The following UNC5D variants were observed in gnomAD, a reference collection of about 807,000 sequenced individuals.
UNC5D encodes the protein netrin receptor UNC5D.
A neutral mutation model predicts 105.4 loss-of-function variants in UNC5D; 39 were observed. The observed-to-expected ratio is 0.37, with a 90% CI of 0.29 to 0.48. The LOEUF (loss-of-function observed/expected upper bound fraction) is 0.48, where lower values mean the gene tolerates loss of function less well. Among genes scored for constraint, UNC5D ranks in the 20% least tolerant of loss-of-function variants. The pLI, the probability that UNC5D is intolerant of heterozygous loss-of-function variation, is 0.98. For missense variants in UNC5D, 991 were observed against 1,202.4 expected (o/e 0.82, Z 2.60); for synonymous variants, 452 against 450.4 (o/e 1.00, Z -0.04).
chr8:35,563,647 T>G (rs1000261129), intron 2 of UNC5D, among the ~76,000 whole-genome samples: 14 of 152,150 alleles, frequency 9.2e-5, no homozygotes, highest in African/African-American at 2.9e-4. Context: ...GGACTTCCAG[T>G]ACTATGTTGA....
At chr8:35,364,084 T>G in intron 1 of UNC5D, among the ~76,000 whole-genome samples, 1 of 152,134 alleles carries the variant, frequency 6.6e-6, no homozygotes, top group East Asian at 1.9e-4. Context: ...GAGAACTGCT[T>G]GAACCCAGGA....
intron 1 of UNC5D, among the ~76,000 whole-genome samples, chr8:35,428,815 C>T (rs372839435): frequency 2.5e-4 from 38 of 152,144 alleles, no homozygotes; most frequent in African/African-American, 8.7e-4. Context: ...CACCAACCAA[C>T]CATCCCTCAC....
At chr8:35,567,885 T>C (rs1002610391) in intron 2 of UNC5D, among the ~76,000 whole-genome samples, 4 of 152,202 alleles carry the variant, frequency 2.6e-5, no homozygotes, top group Admixed American at 6.5e-5. Context: ...GGAGCCGGAA[T>C]TGGTTGATAA....
chr8:35,497,471 C>A (rs1045015379), intron 1 of UNC5D, among the ~76,000 whole-genome samples: 10 of 152,176 alleles, frequency 6.6e-5, no homozygotes, highest in Non-Finnish European at 1.5e-4. Flanking sequence ...GGCCCTCTAG[C>A]CAATTTGAAA....
chr8:35,641,366 C>CA (rs377021599), intron 4 of UNC5D, among the ~76,000 whole-genome samples: 1,531 of 44,208 alleles, frequency 0.035, 18 homozygotes, highest in African/African-American at 0.062. Flanking sequence ...AAAAATAAAG[C>CA]AAAAAAAAAA....
In UNC5D at chr8:35,601,325, A is replaced by T. The variant is rs528360993; in HGVS notation, c.570+5668A>T. ...TATGAACTTTAAAGTAGTTTTTTCC[A>T]ATTCTGTGAAGAAAGTCATTCCAAT... On this transcript the variant is annotated intron_variant, in intron 4 of 16. Transcript: ENST00000404895. Among the ~76,000 whole-genome samples, 53 of 152,294 alleles carry T rather than the reference A, an allele frequency of 3.5e-4. 1 individual carries two copies. Among genetic ancestry groups the T allele is most frequent in the Non-Finnish European group, 7.1e-4 (48 of 68,032 alleles).
intron 7 of UNC5D, among the ~76,000 whole-genome samples, chr8:35,704,960 CTTTTTTTT>C (rs1001514087): frequency 8.7e-6 from 1 of 115,588 alleles, no homozygotes; most frequent in African/African-American, 3.4e-5. Flanking sequence ...TGCTGAATGC[CTTTTTTTT>C]TTTTTTTTTT....
At chr8:35,743,267 T>C (rs921200247) in intron 11 of UNC5D, among the ~76,000 whole-genome samples, 1 of 152,108 alleles carries the variant, frequency 6.6e-6, no homozygotes, top group Non-Finnish European at 1.5e-5. Context: ...TCATTTTTTA[T>C]TTTTATTTAT....
intron 3 of UNC5D, among the ~76,000 whole-genome samples, chr8:35,587,100 G>A (rs1382532058): frequency 6.6e-6 from 1 of 152,158 alleles, no homozygotes; most frequent in African/African-American, 2.4e-5. Context: ...TGATTTACAG[G>A]TTAGCCAAGT....
intron 1 of UNC5D, among the ~76,000 whole-genome samples, chr8:35,240,186 G>C (rs549639186): frequency 1.3e-5 from 2 of 152,134 alleles, no homozygotes; most frequent in African/African-American, 4.8e-5. Context: ...CTGGGCTCAG[G>C]TGATCCTTCT....
At chr8:35,524,649 A>AAAAAAAG (rs1321463471) in intron 1 of UNC5D, among the ~76,000 whole-genome samples, 2 of 147,152 alleles carry the variant, frequency 1.4e-5, no homozygotes, top group Non-Finnish European at 3.0e-5. Context: ...GCAAAAAAAA[A>AAAAAAAG]AAAAAAGAAA....
intron 1 of UNC5D, among the ~76,000 whole-genome samples, chr8:35,305,577 T>TTCTTTCTC (rs1339138456): frequency 0.21 from 11,442 of 53,936 alleles, 683 homozygotes; most frequent in East Asian, 0.51. Context: ...CTTTCTTTCT[T>TTCTTTCTC]TTTCTTTCTT....
chr8:35,635,443 T>C (rs975023737), intron 4 of UNC5D, among the ~76,000 whole-genome samples: 4 of 152,214 alleles, frequency 2.6e-5, no homozygotes, highest in Admixed American at 2.6e-4. Flanking sequence ...TCTACTCACC[T>C]ATCCAGGAAA....
chr8:35,686,841 T>G, intron 7 of UNC5D, 132 bp downstream of exon 7: 1 of 1,200,270 alleles, frequency 8.3e-7, no homozygotes, highest in South Asian at 1.6e-5. Flanking sequence ...CAAAAATAAA[T>G]TAGGTAAAAA....
At chr8:35,718,667 A>G (rs2131519529) in intron 8 of UNC5D, among the ~76,000 whole-genome samples, 1 of 152,330 alleles carries the variant, frequency 6.6e-6, no homozygotes, top group East Asian at 1.9e-4. Context: ...AGATCTAGGA[A>G]GTACAAGTGA....
intron 1 of UNC5D, among the ~76,000 whole-genome samples, chr8:35,373,444 G>A (rs747307402): frequency 7.2e-5 from 11 of 152,000 alleles, no homozygotes; most frequent in Non-Finnish European, 1.0e-4. Flanking sequence ...CTCCTGTCAG[G>A]GATATTCTTT....
intron 4 of UNC5D, among the ~76,000 whole-genome samples, chr8:35,622,536 A>G (rs985351277): frequency 6.6e-6 from 1 of 152,212 alleles, no homozygotes; most frequent in Admixed American, 6.5e-5. Context: ...AAGGGTCTTC[A>G]TATGAAAAAA....
chr8:35,550,174 C>T (rs1185577991), intron 2 of UNC5D, among the ~76,000 whole-genome samples: 1 of 152,102 alleles, frequency 6.6e-6, no homozygotes, highest in Non-Finnish European at 1.5e-5. Context: ...ATTTGACAGA[C>T]ATTATGTATC....
At chr8:35,344,324 C>A (rs1456506583) in intron 1 of UNC5D, among the ~76,000 whole-genome samples, 1 of 152,008 alleles carries the variant, frequency 6.6e-6, no homozygotes, top group East Asian at 1.9e-4. Context: ...AGTCCTGGAT[C>A]AAATTTGGCA....
Sources: allele counts gnomAD v4.1 joint callset (sites outside exome capture counted in the v4.1 genomes callset), GRCh38; gene constraint gnomAD v4.1.1; transcripts MANE v1.5; gene names NCBI Gene and HGNC (gene_info 2026-07-23, HGNC 2026-07-21).